Variants in HCN1 observed in about 807,000 individuals in gnomAD.
HCN1 encodes hyperpolarization activated cyclic nucleotide gated potassium channel 1.
A neutral mutation model predicts 78.9 loss-of-function variants in HCN1; 13 were observed. That is an observed-to-expected ratio of 0.16 (90% CI 0.11 to 0.26). HCN1 has a LOEUF of 0.26. HCN1 is among the 10% of genes least tolerant of loss of function. The pLI, the probability that HCN1 is intolerant of heterozygous loss-of-function variation, is 1.00. For missense variants in HCN1, 810 were observed against 1,154.3 expected, an observed-to-expected ratio of 0.70 and a Z score of 4.32; for synonymous variants, 552 against 455.5, an observed-to-expected ratio of 1.21 and a Z score of -2.70.
chr5:45,524,280 G>T (rs1027118541), intron 2 of HCN1, among the ~76,000 whole-genome samples: 8 of 152,142 alleles, frequency 5.3e-5, no homozygotes, highest in African/African-American at 1.9e-4. Context: ...AGTATAGTTT[G>T]AAGTCAGGTA....
intron 3 of HCN1, among the ~76,000 whole-genome samples, chr5:45,444,860 G>A (rs903272891): frequency 6.6e-6 from 1 of 151,804 alleles, no homozygotes; most frequent in Non-Finnish European, 1.5e-5. Context: ...GTGCAGGTTA[G>A]CTACATGTGC....
At chr5:45,403,907 C>T (rs1418747858) in intron 3 of HCN1, among the ~76,000 whole-genome samples, 1 of 152,250 alleles carries the variant, frequency 6.6e-6, no homozygotes, top group African/African-American at 2.4e-5. Flanking sequence ...AAGCGACTTG[C>T]CCAGGGTTAA....
chr5:45,461,674 T>G (rs1741164637), intron 3 of HCN1, among the ~76,000 whole-genome samples, 172 bp downstream of exon 3: 1 of 152,180 alleles, frequency 6.6e-6, no homozygotes. Flanking sequence ...TAGTAAAATT[T>G]AGTTGTAACC....
At chr5:45,482,443 A>C (rs1741673659) in intron 2 of HCN1, among the ~76,000 whole-genome samples, 1 of 152,138 alleles carries the variant, frequency 6.6e-6, no homozygotes. Flanking sequence ...TGGAGTTGTC[A>C]CAGTTTAGAA....
rs560908459 is a variant in HCN1 at position 45,435,168 on chromosome 5, T to C, written c.1011+26678A>G. Among the ~76,000 whole-genome samples, 3 of 152,196 alleles carry C rather than the reference T, an allele frequency of 2.0e-5. No individual in the cohort carries two copies. In the South Asian group the frequency reaches 6.2e-4, roughly 31 times the overall value. ...TCATCAAATGACTAATTTATATACTTATCATCAAATCACTAATTTATATAT... is the reference window on the plus strand; with the variant it reads ...TCATCAAATGACTAATTTATATACTCATCATCAAATCACTAATTTATATAT... On this transcript the variant is annotated intron_variant, in intron 3 of 7. Transcript: ENST00000303230.
At chr5:45,668,084 T>C (rs2112071207) in intron 1 of HCN1, among the ~76,000 whole-genome samples, 1 of 152,112 alleles carries the variant, frequency 6.6e-6, no homozygotes, top group African/African-American at 2.4e-5. Flanking sequence ...TTTATATTGA[T>C]TTTGTATTTT....
chr5:45,294,027 T>C (rs931182636), intron 6 of HCN1, among the ~76,000 whole-genome samples: 1 of 151,982 alleles, frequency 6.6e-6, no homozygotes, highest in Non-Finnish European at 1.5e-5. Context: ...TTCTTCCTGC[T>C]CCTCATAAAT....
At chr5:45,372,111 A>T (rs1290996719) in intron 4 of HCN1, among the ~76,000 whole-genome samples, 10 of 59,804 alleles carry the variant, frequency 1.7e-4, no homozygotes, top group Non-Finnish European at 2.6e-4. Context: ...TATATATAAT[A>T]TAATTATATA....
At chr5:45,535,356 G>A (rs1742943536) in intron 2 of HCN1, among the ~76,000 whole-genome samples, 1 of 152,182 alleles carries the variant, frequency 6.6e-6, no homozygotes, top group South Asian at 2.1e-4. Context: ...CCAGCACTTT[G>A]GGAGGCCAAG....
At chr5:45,478,267 A>G (rs1741562632) in intron 2 of HCN1, among the ~76,000 whole-genome samples, 1 of 152,206 alleles carries the variant, frequency 6.6e-6, no homozygotes, top group Non-Finnish European at 1.5e-5. Flanking sequence ...TAAATCAGTG[A>G]AAAAAACAGA....
In HCN1 at chr5:45,540,775, C is replaced by G. The variant is rs111916280; in HGVS notation, c.850-78768G>C. Among the ~76,000 whole-genome samples the G allele has an allele frequency of 2.6e-5, 4 of 152,116 alleles. 1 individual carries two copies. Among genetic ancestry groups the G allele is most frequent in the African/African-American group, 9.6e-5 (4 of 41,522 alleles). ...TTTTTCTAATTGAGCTGTTCAAACT[C>G]TACATATCATAATTTTAACAATCTG... On this transcript the variant is annotated intron_variant, in intron 2 of 7. Coordinates refer to ENST00000303230, the MANE Select transcript of HCN1 (RefSeq NM_021072.4).
chr5:45,453,204 C>T (rs1740958769), intron 3 of HCN1, among the ~76,000 whole-genome samples: 1 of 151,990 alleles, frequency 6.6e-6, no homozygotes, highest in African/African-American at 2.4e-5. Flanking sequence ...AGAGAAAGTT[C>T]ATATGAATTG....
chr5:45,262,127 G>C lies in HCN1; in HGVS notation c.2467C>G (p.Pro823Ala). ...CCCCCTGCCTGAAGGCCCGTTCCGG[G>C]GACCGCCGTCACGGGTTGAGGGATG... ...ASIPQPVTAV[P>A]GTGLQAGGRS... The change falls in exon 8 of 8, where the codon CCC becomes GCC. Residue 823 changes from proline to alanine, a missense_variant. By Grantham distance (27) the Pro-to-Ala change is conservative (BLOSUM62 -1). Coordinates refer to ENST00000303230, the MANE Select transcript of HCN1 (RefSeq NM_021072.4). The C allele has an allele frequency of 2.5e-6, 4 of 1,613,058 alleles. No individual in the cohort carries two copies. The highest frequency in any genetic ancestry group is 3.4e-6 in the Non-Finnish European group (4 of 1,179,390).
chr5:45,422,070 C>T (rs950853695), intron 3 of HCN1, among the ~76,000 whole-genome samples: 2 of 152,134 alleles, frequency 1.3e-5, no homozygotes, highest in African/African-American at 4.8e-5. Context: ...ATATATATAA[C>T]CCTCACATAT....
At chr5:45,556,843 C>A (rs988214759) in intron 2 of HCN1, among the ~76,000 whole-genome samples, 3 of 151,894 alleles carry the variant, frequency 2.0e-5, no homozygotes, top group African/African-American at 7.2e-5. Context: ...GAACACTATT[C>A]TCCTAGTGCA....
At chr5:45,329,515 C>T (rs1053675385) in intron 5 of HCN1, among the ~76,000 whole-genome samples, 2 of 151,414 alleles carry the variant, frequency 1.3e-5, no homozygotes, top group Non-Finnish European at 3.0e-5. Flanking sequence ...CTGCTCCACT[C>T]CCCTTTCTGT....
At chr5:45,680,591 AAGTTTTTTTGCCTCAGTATTATTAG>A (rs1417880339) in intron 1 of HCN1, among the ~76,000 whole-genome samples, 2 of 152,146 alleles carry the variant, frequency 1.3e-5, no homozygotes, top group African/African-American at 2.4e-5. Context: ...AAGTTGCATT[AAGTTTTTTTGCCTCAGTATTATTAG>A]AGTTTTGTTG....
At chr5:45,481,124 T>C (rs543844600) in intron 2 of HCN1, among the ~76,000 whole-genome samples, 70 of 152,250 alleles carry the variant, frequency 4.6e-4, no homozygotes, top group African/African-American at 1.6e-3. Flanking sequence ...TTTAAAAAGG[T>C]GAAGAGAGAT....
chr5:45,566,088 C>G lies in HCN1; in HGVS notation c.849+79097G>C, dbSNP rs549274298. On this transcript the variant is annotated intron_variant, in intron 2 of 7. Transcript: ENST00000303230. ...ATCACAGGTCAATATCATTCTCTCT[C>G]CAACAGATGACAGAATTTATTTTAT... 1.3e-4 allele frequency among the ~76,000 whole-genome samples: 20 copies of G among 152,214 alleles called. 1 individual carries two copies. The South Asian group carries it at 2.9e-3, about 22-fold the overall frequency.
Sources: gnomAD v4.1 joint callset for allele counts (sites outside exome capture counted in the v4.1 genomes callset) on GRCh38, gnomAD v4.1.1 for gene constraint, MANE v1.5 for transcripts, NCBI Gene and HGNC (gene_info 2026-07-23, HGNC 2026-07-21) for gene names.